Variants in SPO11 observed in about 807,000 individuals in gnomAD.
The protein encoded by SPO11 is SPO11 initiator of meiotic double strand breaks, also known as meiotic recombination protein SPO11.
SPO11 carries 49 observed loss-of-function variants against 51.6 expected under a neutral mutation model. The observed-to-expected ratio is 0.95, with a 90% CI of 0.75 to 1.20. The LOEUF (loss-of-function observed/expected upper bound fraction) is 1.20. Ranked by LOEUF, SPO11 falls within the 50% of genes most tolerant of loss-of-function variation. SPO11 has a pLI of 0.00. For synonymous variants in SPO11, 176 were observed against 158.2 expected (o/e 1.11, Z -0.84); for missense variants, 431 against 473.4 (o/e 0.91, Z 0.83).
chr20:57,342,131 C>T (rs1405824047), intron 11 of SPO11, among the ~76,000 whole-genome samples: 5 of 152,066 alleles, frequency 3.3e-5, no homozygotes, highest in Non-Finnish European at 5.9e-5. Context: ...TTATATTCCA[C>T]GTTTTTCAAA....
Position 57,335,510 on chromosome 20 carries a change from A to C in SPO11, c.634+55A>C, listed in dbSNP as rs1253696295. The C allele has an allele frequency of 5.2e-6, 8 of 1,544,946 alleles. No individual in the cohort carries two copies. In the Admixed American group the frequency reaches 1.4e-4, roughly 28 times the overall value. ...CTTTTGGAATGTTCATTCATTCATT[A>C]ATTCCTTTGGTAAGCCAAGCCTTCA... On this transcript the variant is annotated intron_variant, in intron 7 of 12. Coordinates refer to ENST00000371263, the MANE Select transcript of SPO11 (RefSeq NM_012444.3).
At chr20:57,340,298 G>A (rs1398947221) in intron 11 of SPO11, 120 bp downstream of exon 11, 9 of 587,312 alleles carry the variant, frequency 1.5e-5, no homozygotes, top group African/African-American at 5.6e-5. Flanking sequence ...TATTGTCCAC[G>A]ATGACTTATG....
At chr20:57,335,498 C>A (rs2066501424) in intron 7 of SPO11, 43 bp downstream of exon 7, 2 of 1,560,512 alleles carry the variant, frequency 1.3e-6, no homozygotes, top group South Asian at 1.2e-5. Flanking sequence ...TTGGAATGTT[C>A]ATTCATTCAT....
chr20:57,342,660 G>A (rs2066596858), intron 11 of SPO11, 69 bp from the exon 12 acceptor site: 1 of 940,686 alleles, frequency 1.1e-6, no homozygotes, highest in Non-Finnish European at 1.7e-6. Context: ...CATAAATACA[G>A]GCAAAATACA....
At position 57,330,049 on chromosome 20, in the gene SPO11, GGC is replaced by G. The variant is rs1295003936; in HGVS notation, c.131+54_131+55del. The G allele has an allele frequency of 5.9e-5, 90 of 1,513,590 alleles. 1 individual carries two copies. Among genetic ancestry groups the G allele is most frequent in the Non-Finnish European group, 7.9e-5 (89 of 1,131,250 alleles). The allele number at this position is 1,513,590 out of a possible 1,614,324, so 93.8% of individuals were successfully genotyped here. A position where few individuals can be genotyped will look rare whatever the true frequency, so the allele number is the denominator to read the frequency against. ...ACGCAGCCACTCTGTAGAAAAGTCGGGCGCTCTTCCTGGCCCCGGGCTGCCTC... is the reference window on the plus strand; with the variant it reads ...ACGCAGCCACTCTGTAGAAAAGTCGGGCTCTTCCTGGCCCCGGGCTGCCTC... On this transcript the variant is annotated intron_variant, in intron 1 of 12. Transcript: ENST00000371263.
At chr20:57,334,433 C>T (rs554282238) in intron 5 of SPO11, among the ~76,000 whole-genome samples, 6 of 152,142 alleles carry the variant, frequency 3.9e-5, no homozygotes, top group Non-Finnish European at 8.8e-5. Flanking sequence ...GGATTACAGG[C>T]GTAAGCCACC....
intron 5 of SPO11, among the ~76,000 whole-genome samples, 199 bp downstream of exon 5, chr20:57,334,294 A>G (rs2066485390): frequency 6.6e-6 from 1 of 151,782 alleles, no homozygotes; most frequent in South Asian, 2.1e-4. Context: ...AGCTGGGACT[A>G]CAGGCGCCTG....
rs1328267360 is a variant in SPO11, at chr20:57,332,051, CT to C, written c.245+107del. 1.7e-4 allele frequency: 107 copies of C among 632,700 alleles called. 1 individual carries two copies. Among genetic ancestry groups the C allele is most frequent in the Non-Finnish European group, 8.5e-5 (34 of 398,200 alleles). The allele number at this position is 632,700 out of a possible 1,614,324, so 39.2% of individuals were successfully genotyped here. On this transcript the variant is annotated intron_variant, in intron 2 of 12. Transcript: ENST00000371263. ...ATTTTTTTCATTTTATTGCCTTTAC[CT>C]TGCCAAAAAAAAGGATTTAGGAAGT...
chr20:57,332,490 T>C (rs182182559), intron 2 of SPO11, among the ~76,000 whole-genome samples: 1 of 152,328 alleles, frequency 6.6e-6, no homozygotes, highest in African/African-American at 2.4e-5. Context: ...TGAACCTAGT[T>C]ATACCGGTTT....
chr20:57,330,101 C>A, intron 1 of SPO11, 103 bp downstream of exon 1: 1 of 1,413,956 alleles, frequency 7.1e-7, no homozygotes, highest in Non-Finnish European at 9.3e-7. Context: ...GAGGAGGCAC[C>A]CCTTGGCGGG....
In SPO11 at chr20:57,338,301, C is replaced by G; in HGVS notation, c.770C>G (p.Thr257Arg). ...GGAAAGGGAGTTCCTGATCTAAACA[C>G]AAGACTTTTAGTCAAGAAACTGTGG... ...ITGKGVPDLN[T>R]RLLVKKLWDT... Residue 257 changes from threonine to arginine, a missense_variant, in exon 9 of 13, where the codon ACA (threonine) becomes AGA (arginine). Thr to Arg is a moderately conservative substitution (Grantham distance 71, BLOSUM62 -1). Around this residue, in one of 3 missense-constraint regions of SPO11, gnomAD observed 405 missense variants for 425.9 expected, o/e 0.95. Coordinates refer to ENST00000371263, the MANE Select transcript of SPO11 (RefSeq NM_012444.3). The G allele has an allele frequency of 6.2e-7, 1 of 1,613,496 alleles. No individual in the cohort carries two copies. The highest frequency in any genetic ancestry group is 8.5e-7 in the Non-Finnish European group (1 of 1,179,678).
chr20:57,334,189 C>T, intron 5 of SPO11, 94 bp downstream of exon 5: 1 of 450,146 alleles, frequency 2.2e-6, no homozygotes, highest in Non-Finnish European at 3.6e-6. Flanking sequence ...GAGTCTTGCT[C>T]TGTCGCCTAG....
At chr20:57,342,915 T>C in intron 12 of SPO11, 75 bp downstream of exon 12, 1 of 1,016,302 alleles carries the variant, frequency 9.8e-7, no homozygotes, top group Non-Finnish European at 1.5e-6. Context: ...TCACATCGTA[T>C]TTTGAAAATA....
chr20:57,341,135 C>T (rs2066576858), intron 11 of SPO11, among the ~76,000 whole-genome samples: 1 of 152,130 alleles, frequency 6.6e-6, no homozygotes, highest in Admixed American at 6.5e-5. Flanking sequence ...CAATAAAGTA[C>T]ATTTCTTATT....
intron 5 of SPO11, 83 bp from the exon 6 acceptor site, chr20:57,334,667 C>T (rs16980896): frequency 0.026 from 26,329 of 994,862 alleles, 512 homozygotes; most frequent in African/African-American, 0.088. Flanking sequence ...GCCAGTAATT[C>T]AGCAGATGAA....
intron 1 of SPO11, among the ~76,000 whole-genome samples, chr20:57,331,631 T>G (rs2066451464): frequency 6.6e-6 from 1 of 152,182 alleles, no homozygotes; most frequent in South Asian, 2.1e-4. Context: ...AATGCAGTAG[T>G]AAAGGTTTAA....
intron 9 of SPO11, 45 bp downstream of exon 9, chr20:57,338,420 C>G: frequency 7.9e-7 from 1 of 1,272,788 alleles, no homozygotes; most frequent in Non-Finnish European, 1.1e-6. Context: ...ATAACTAAAT[C>G]ATATTTGTTG....
chr20:57,340,306 A>G (rs1435068662), intron 11 of SPO11, 128 bp downstream of exon 11: 2 of 570,690 alleles, frequency 3.5e-6, no homozygotes, highest in Non-Finnish European at 6.2e-6. Flanking sequence ...ACGATGACTT[A>G]TGATTATGTA....
intron 10 of SPO11, among the ~76,000 whole-genome samples, chr20:57,339,719 C>T (rs780421005): frequency 3.3e-5 from 5 of 152,174 alleles, no homozygotes; most frequent in Non-Finnish European, 5.9e-5. Context: ...TACAGAAACA[C>T]TATATAGAAG....
Sources: gnomAD v4.1 joint callset for allele counts (sites outside exome capture counted in the v4.1 genomes callset) on GRCh38, gnomAD v4.1.1 for gene constraint, gnomAD v4.1.1 regional missense constraint, MANE v1.5 for transcripts, NCBI Gene and HGNC (gene_info 2026-07-23, HGNC 2026-07-21) for gene names.